DGKB: variants seen among roughly 807,000 people sequenced by gnomAD.
DGKB encodes the protein 90 kDa diacylglycerol kinase.
Under a neutral mutation model 114.3 loss-of-function variants are expected in DGKB, and 67 were observed. That is an observed-to-expected ratio of 0.59 (90% CI 0.48 to 0.72). The LOEUF is 0.72. Among genes scored for constraint, DGKB ranks in the 30% least tolerant of loss-of-function variants. DGKB has a pLI of 0.00. For synonymous variants in DGKB, 398 were observed against 323.1 expected (o/e 1.23, Z -2.49); for missense variants, 907 against 975.2 (o/e 0.93, Z 0.93).
chr7:14,299,961 A>C (rs1292160391), intron 23 of DGKB, among the ~76,000 whole-genome samples: 1 of 152,158 alleles, frequency 6.6e-6, no homozygotes, highest in African/African-American at 2.4e-5. Flanking sequence ...ACCATATAAA[A>C]ATATTTTAAA....
intron 1 of DGKB, among the ~76,000 whole-genome samples, chr7:14,969,690 C>T (rs116691699): frequency 1.3e-5 from 2 of 152,154 alleles, no homozygotes; most frequent in Non-Finnish European, 2.9e-5. Context: ...CATCCCCCAA[C>T]CCCCATGGAA....
chr7:14,899,957 A>G (rs1782731154), intron 1 of DGKB, among the ~76,000 whole-genome samples: 1 of 152,116 alleles, frequency 6.6e-6, no homozygotes, highest in Non-Finnish European at 1.5e-5. Context: ...GCTTTCAGAA[A>G]TTTGTTTATT....
chr7:14,181,171 A>G (rs1270813513), intron 23 of DGKB, among the ~76,000 whole-genome samples: 1 of 152,194 alleles, frequency 6.6e-6, no homozygotes, highest in Non-Finnish European at 1.5e-5. Flanking sequence ...GGTCTTGTCT[A>G]TGTCTCTTTT....
intron 23 of DGKB, among the ~76,000 whole-genome samples, chr7:14,303,170 A>G (rs916244915): frequency 2.6e-5 from 4 of 152,170 alleles, no homozygotes; most frequent in African/African-American, 9.6e-5. Context: ...TCTTTCAGGG[A>G]CATTATACAC....
At chr7:14,209,370 A>T (rs1787373635) in intron 23 of DGKB, 2 of 457,102 alleles carry the variant, frequency 4.4e-6, no homozygotes, top group South Asian at 3.2e-5. Context: ...GGAAAGATAC[A>T]GACACTGCTT....
intron 23 of DGKB, among the ~76,000 whole-genome samples, chr7:14,182,234 T>G (rs1782737239): frequency 6.6e-6 from 1 of 151,982 alleles, no homozygotes; most frequent in Non-Finnish European, 1.5e-5. Flanking sequence ...TTTTTTTTAT[T>G]TTTATCTTAT....
At chr7:14,775,771 C>A (rs2128479515) in intron 2 of DGKB, among the ~76,000 whole-genome samples, 1 of 152,122 alleles carries the variant, frequency 6.6e-6, no homozygotes, top group Admixed American at 6.5e-5. Context: ...AACCTCTTTC[C>A]TTTATAATTT....
In DGKB at chr7:14,227,504, C is replaced by T. The variant is rs745646557; in HGVS notation, c.2123-49353G>A. Among the ~76,000 whole-genome samples, 51 of 152,098 alleles carry T rather than the reference C, an allele frequency of 3.4e-4. 1 individual carries two copies. Among genetic ancestry groups the T allele is most frequent in the Non-Finnish European group, 5.7e-4 (39 of 67,964 alleles). ...AAAGGATCTGCTAAAGTCAATCTAC[C>T]AGGCATACAAGTGATCTAAATTTCT... On this transcript the variant is annotated intron_variant, in intron 23 of 25. Coordinates refer to ENST00000402815, the MANE Select transcript of DGKB (RefSeq NM_001350709.2).
intron 10 of DGKB, among the ~76,000 whole-genome samples, chr7:14,683,770 C>G (rs1821222561): frequency 6.6e-6 from 1 of 151,936 alleles, no homozygotes; most frequent in South Asian, 2.1e-4. Context: ...TATAGTAAAA[C>G]TCTCCCAAAA....
At chr7:14,772,957 A>G (rs1837632124) in intron 2 of DGKB, among the ~76,000 whole-genome samples, 3 of 152,040 alleles carry the variant, frequency 2.0e-5, no homozygotes, top group South Asian at 2.1e-4. Flanking sequence ...CTGTACCTCA[A>G]TTGGGTTATC....
intron 4 of DGKB, among the ~76,000 whole-genome samples, chr7:14,745,466 G>T (rs559901282): frequency 1.3e-5 from 2 of 152,280 alleles, no homozygotes; most frequent in Admixed American, 1.3e-4. Context: ...ATAAAGGAGG[G>T]TCCACAGAGA....
At chr7:14,886,403 A>G (rs1287237585) in intron 1 of DGKB, among the ~76,000 whole-genome samples, 1 of 151,834 alleles carries the variant, frequency 6.6e-6, no homozygotes, top group Non-Finnish European at 1.5e-5. Flanking sequence ...AAAGTCCTTC[A>G]TATTCAACAT....
chr7:14,662,974 C>T (rs988195806), intron 13 of DGKB, among the ~76,000 whole-genome samples: 20 of 151,880 alleles, frequency 1.3e-4, no homozygotes, highest in Admixed American at 3.3e-4. Flanking sequence ...TAGATGATAT[C>T]ATCTTAGCAC....
At chr7:14,681,950 T>C (rs899041569) in intron 12 of DGKB, among the ~76,000 whole-genome samples, 7 of 152,088 alleles carry the variant, frequency 4.6e-5, no homozygotes, top group Non-Finnish European at 1.0e-4. Context: ...GGCAACAATA[T>C]GTTGGAAGAA....
At chr7:14,521,912 T>C (rs573889491) in intron 20 of DGKB, among the ~76,000 whole-genome samples, 4 of 152,202 alleles carry the variant, frequency 2.6e-5, no homozygotes, top group Non-Finnish European at 5.9e-5. Context: ...GTATATTTTT[T>C]TTGGCTTGTT....
intron 1 of DGKB, among the ~76,000 whole-genome samples, chr7:14,866,389 G>A (rs1488387177): frequency 6.6e-6 from 1 of 151,994 alleles, no homozygotes; most frequent in African/African-American, 2.4e-5. Context: ...AATGCTTATT[G>A]TTCTACTTAT....
At chr7:14,884,094 A>G (rs920532336) in intron 1 of DGKB, among the ~76,000 whole-genome samples, 1 of 151,914 alleles carries the variant, frequency 6.6e-6, no homozygotes, top group Non-Finnish European at 1.5e-5. Flanking sequence ...AATATTTTAG[A>G]GTTTGTGGGC....
At chr7:14,784,449 C>G (rs200105624) in intron 2 of DGKB, among the ~76,000 whole-genome samples, 1 of 150,474 alleles carries the variant, frequency 6.6e-6, no homozygotes, top group Non-Finnish European at 1.5e-5. Flanking sequence ...CTCAATGCAG[C>G]CTCTGCCTCC....
intron 25 of DGKB, among the ~76,000 whole-genome samples, chr7:14,155,359 T>C (rs1382531879): frequency 6.6e-6 from 1 of 152,128 alleles, no homozygotes; most frequent in Non-Finnish European, 1.5e-5. Context: ...ACTGAGGTGC[T>C]TGTAGTATAA....
Sources: allele counts gnomAD v4.1 joint callset (sites outside exome capture counted in the v4.1 genomes callset), GRCh38; gene constraint gnomAD v4.1.1; transcripts MANE v1.5; gene names NCBI Gene and HGNC (gene_info 2026-07-23, HGNC 2026-07-21).